The following PRELID2 variants were observed in gnomAD, a reference collection of about 807,000 sequenced individuals.
PRELID2 encodes the protein PRELI domain containing 2.
A neutral mutation model predicts 28.4 loss-of-function variants in PRELID2; 25 were observed. The observed-to-expected ratio is 0.88, with a 90% CI of 0.64 to 1.23. The LOEUF (loss-of-function observed/expected upper bound fraction) is 1.23. Ranked by LOEUF, PRELID2 falls within the 50% of genes most tolerant of loss-of-function variation. The pLI is 0.00. For synonymous variants in PRELID2, 76 were observed against 71.6 expected (o/e 1.06, Z -0.31); for missense variants, 201 against 214.4 (o/e 0.94, Z 0.39).
intron 1 of PRELID2, among the ~76,000 whole-genome samples, chr5:145,660,887 G>C (rs2149677024): frequency 6.6e-6 from 1 of 152,338 alleles, no homozygotes; most frequent in Admixed American, 6.5e-5. Flanking sequence ...ACCGCTTGAA[G>C]TATGTATGTG....
At chr5:145,458,379 A>G in the PRELID2 span, among the ~76,000 whole-genome samples, 1 of 152,254 alleles carries the variant, frequency 6.6e-6, no homozygotes, top group Non-Finnish European at 1.5e-5. Flanking sequence ...TCCACTATGT[A>G]TTGTTAGTTT....
At chr5:145,423,231 G>A in the PRELID2 span, among the ~76,000 whole-genome samples, 214 of 149,932 alleles carry the variant, frequency 1.4e-3, 1 homozygote, top group African/African-American at 5.0e-3. Context: ...TGCTCTTCTC[G>A]AGGAGTATCT....
chr5:145,435,741 C>T, the PRELID2 span, among the ~76,000 whole-genome samples: 1 of 152,096 alleles, frequency 6.6e-6, no homozygotes, highest in Non-Finnish European at 1.5e-5. Context: ...GAAATAATCA[C>T]ACCAATTTAT....
At chr5:145,323,826 G>T in the PRELID2 span, among the ~76,000 whole-genome samples, 1 of 152,098 alleles carries the variant, frequency 6.6e-6, no homozygotes, top group Non-Finnish European at 1.5e-5. Flanking sequence ...AGTATTCCAT[G>T]GTAGATATGT....
At chr5:145,298,267 C>G in the PRELID2 span, among the ~76,000 whole-genome samples, 1 of 152,124 alleles carries the variant, frequency 6.6e-6, no homozygotes, top group East Asian at 1.9e-4. Flanking sequence ...GGTACCAAAA[C>G]AGAGATACAG....
At chr5:145,623,862 C>T (rs142491942) in intron 1 of PRELID2, among the ~76,000 whole-genome samples, 5 of 152,294 alleles carry the variant, frequency 3.3e-5, no homozygotes, top group African/African-American at 1.2e-4. Context: ...TCAATTCTGA[C>T]ACTGTCTGCC....
chr5:145,292,417 T>C, the PRELID2 span, among the ~76,000 whole-genome samples: 1 of 149,482 alleles, frequency 6.7e-6, no homozygotes, highest in East Asian at 2.1e-4. Context: ...GTTGTGACTC[T>C]GCCCCTGCAC....
intron 1 of PRELID2, among the ~76,000 whole-genome samples, chr5:145,580,594 G>T (rs1349473441): frequency 6.6e-6 from 1 of 151,992 alleles, no homozygotes; most frequent in East Asian, 1.9e-4. Flanking sequence ...GCATTTGTAA[G>T]ACTGTTAATT....
chr5:145,453,531 G>T, the PRELID2 span, among the ~76,000 whole-genome samples: 1 of 151,982 alleles, frequency 6.6e-6, no homozygotes, highest in Non-Finnish European at 1.5e-5. Context: ...TGTTACATAG[G>T]TATACAGTAC....
chr5:145,580,158 G>T (rs1753095352), intron 1 of PRELID2, among the ~76,000 whole-genome samples: 2 of 152,000 alleles, frequency 1.3e-5, no homozygotes, highest in Admixed American at 6.6e-5. Context: ...AGTAACTTGT[G>T]TTGCCTTAAC....
the PRELID2 span, among the ~76,000 whole-genome samples, chr5:145,281,665 G>A: frequency 6.6e-6 from 1 of 152,194 alleles, no homozygotes; most frequent in Non-Finnish European, 1.5e-5. Flanking sequence ...GAGATAACAT[G>A]TCTGCTCTCA....
At chr5:145,239,276 G>T in the PRELID2 span, among the ~76,000 whole-genome samples, 1 of 152,012 alleles carries the variant, frequency 6.6e-6, no homozygotes, top group Non-Finnish European at 1.5e-5. Context: ...ATGTTAAAAA[G>T]GGGCAAAAGA....
intron 1 of PRELID2, among the ~76,000 whole-genome samples, chr5:145,527,101 A>G (rs1258945162): frequency 6.6e-6 from 1 of 152,202 alleles, no homozygotes; most frequent in African/African-American, 2.4e-5. Context: ...CCTTAAAAAT[A>G]ATCTAGATAG....
At chr5:145,634,965 C>A (rs1173906564) in intron 1 of PRELID2, among the ~76,000 whole-genome samples, 1 of 152,206 alleles carries the variant, frequency 6.6e-6, no homozygotes, top group Non-Finnish European at 1.5e-5. Flanking sequence ...TCACAGTTAA[C>A]CATCCCCTAT....
the PRELID2 span, among the ~76,000 whole-genome samples, chr5:145,422,098 T>C: frequency 1.2e-4 from 17 of 136,506 alleles, no homozygotes; most frequent in East Asian, 4.2e-4. Flanking sequence ...GTCTGAGAGA[T>C]AGTTTGTTAT....
intron 1 of PRELID2, among the ~76,000 whole-genome samples, chr5:145,640,794 G>A (rs1226832640): frequency 1.3e-5 from 2 of 152,150 alleles, no homozygotes; most frequent in Non-Finnish European, 1.5e-5. Context: ...TAGTAATGAA[G>A]ACAGCATGAT....
chr5:145,653,276 C>T (rs1754331892), intron 1 of PRELID2, among the ~76,000 whole-genome samples: 1 of 152,172 alleles, frequency 6.6e-6, no homozygotes. Context: ...TACAAAGAGA[C>T]TTAGACTCCC....
the PRELID2 span, among the ~76,000 whole-genome samples, chr5:145,343,634 C>T: frequency 1.8e-4 from 27 of 151,134 alleles, no homozygotes; most frequent in East Asian, 3.7e-3. Context: ...CAAACCATAC[C>T]CAAAATTAGC....
chr5:145,337,686 A>AAT, the PRELID2 span, among the ~76,000 whole-genome samples: 2,894 of 78,982 alleles, frequency 0.037, 26 homozygotes, highest in Non-Finnish European at 0.047. Context: ...GCATAGGGCA[A>AAT]ATATATATAT....
Sources: allele counts gnomAD v4.1 joint callset (sites outside exome capture counted in the v4.1 genomes callset), GRCh38; gene constraint gnomAD v4.1.1; transcripts MANE v1.5; gene names NCBI Gene and HGNC (gene_info 2026-07-23, HGNC 2026-07-21).